Variants in RFTN2 observed in about 807,000 individuals in gnomAD.
RFTN2 encodes the protein raftlin family member 2, also known as raftlin-2.
Under a neutral mutation model 52.7 loss-of-function variants are expected in RFTN2, and 34 were observed. The ratio of observed to expected loss-of-function variants is 0.64; its 90% CI spans 0.49 to 0.86. The LOEUF (loss-of-function observed/expected upper bound fraction) is 0.86. Among genes scored for constraint, RFTN2 ranks in the 40% least tolerant of loss-of-function variants. The pLI, the probability that RFTN2 is intolerant of heterozygous loss-of-function variation, is 0.00. For synonymous variants in RFTN2, 203 were observed against 217.7 expected (o/e 0.93, Z 0.59); for missense variants, 536 against 600.1 (o/e 0.89, Z 1.12).
chr2:197,622,597 C>T (rs1020575050), intron 5 of RFTN2, among the ~76,000 whole-genome samples: 18 of 152,274 alleles, frequency 1.2e-4, no homozygotes, highest in African/African-American at 3.9e-4. Context: ...TGAGCCACTG[C>T]GCCTGGCCTA....
At chr2:197,589,285 G>A (rs1473369446) in intron 8 of RFTN2, among the ~76,000 whole-genome samples, 15 of 126,436 alleles carry the variant, frequency 1.2e-4, no homozygotes, top group South Asian at 5.8e-4. Context: ...TTTGCCTGCC[G>A]CCATCCACCA....
chr2:197,608,623 C>CT (rs57681105), intron 7 of RFTN2, among the ~76,000 whole-genome samples: 144 of 99,474 alleles, frequency 1.4e-3, no homozygotes, highest in South Asian at 2.4e-3. Context: ...TGGGACCAGA[C>CT]TTTTTTTTTT....
At chr2:197,650,655 C>T (rs1001980157) in intron 1 of RFTN2, among the ~76,000 whole-genome samples, 3 of 152,120 alleles carry the variant, frequency 2.0e-5, no homozygotes, top group Non-Finnish European at 4.4e-5. Flanking sequence ...AATAATATTC[C>T]ATTGAATATA....
Position 197,582,653 on chromosome 2 carries a change from T to A in RFTN2, c.1234-10373A>T, listed in dbSNP as rs188436984. Among the ~76,000 whole-genome samples the A allele has an allele frequency of 9.2e-5, 14 of 152,290 alleles. No homozygotes were observed. In the East Asian group the frequency reaches 2.7e-3, roughly 29 times the overall value. ...ACAATGCATCAATATTTACACTGAC[T>A]CTAAATATGCCTTGCATATCCACAC... is the stretch of plus-strand genomic sequence containing the variant. On this transcript the variant is annotated intron_variant, in intron 8 of 8. Transcript: ENST00000295049.
intron 8 of RFTN2, among the ~76,000 whole-genome samples, chr2:197,591,355 C>G (rs2087709816): frequency 1.3e-5 from 2 of 152,232 alleles, no homozygotes; most frequent in South Asian, 4.1e-4. Context: ...AAACCCTGAG[C>G]TAGACACAGG....
chr2:197,664,384 G>C (rs1413846716), intron 1 of RFTN2, among the ~76,000 whole-genome samples: 1 of 151,950 alleles, frequency 6.6e-6, no homozygotes, highest in Non-Finnish European at 1.5e-5. Context: ...GCTCAGGTGG[G>C]AGGATTGTTT....
intron 8 of RFTN2, among the ~76,000 whole-genome samples, chr2:197,589,838 A>G (rs559153997): frequency 2.0e-5 from 3 of 152,162 alleles, no homozygotes; most frequent in Non-Finnish European, 4.4e-5. Context: ...CATTCACAGA[A>G]CAAAAGTTTT....
At chr2:197,618,260 A>AT (rs2088182854) in intron 5 of RFTN2, among the ~76,000 whole-genome samples, 1 of 151,800 alleles carries the variant, frequency 6.6e-6, no homozygotes, top group South Asian at 2.1e-4. Flanking sequence ...TGGTTTTCGT[A>AT]TTTTTTTGGT....
At chr2:197,589,695 A>G (rs548861230) in intron 8 of RFTN2, among the ~76,000 whole-genome samples, 1 of 152,084 alleles carries the variant, frequency 6.6e-6, no homozygotes, top group East Asian at 1.9e-4. Flanking sequence ...ATTATTTTTT[A>G]ACTGGGTTCT....
At chr2:197,634,290 G>C (rs2088522162) in intron 3 of RFTN2, among the ~76,000 whole-genome samples, 1 of 152,148 alleles carries the variant, frequency 6.6e-6, no homozygotes. Flanking sequence ...TAATTCTGTA[G>C]CATGATTTTT....
chr2:197,617,882 T>C lies in RFTN2; in HGVS notation c.968A>G (p.Tyr323Cys), dbSNP rs2088172573. ...LPKSLEGFFI[Y>C]EEEGSGVPGS... is the part of the protein sequence containing the mutation. ...TGGAACTCCAGAACCTTCTTCTTCA[T>C]AGATAAAAAATCCTTCCAAAGATTT... The change falls in exon 6 of 9, where the codon TAT (tyrosine) becomes TGT (cysteine). Residue 323 changes from tyrosine (Y) to cysteine (C), a missense_variant. Coordinates refer to ENST00000295049, the MANE Select transcript of RFTN2 (RefSeq NM_144629.3). 4 of 1,609,748 alleles carry C rather than the reference T, an allele frequency of 2.5e-6. No individual in the cohort carries two copies. The highest frequency in any genetic ancestry group is 3.4e-6 in the Non-Finnish European group (4 of 1,177,180).
intron 1 of RFTN2, among the ~76,000 whole-genome samples, chr2:197,648,360 T>G (rs1166432669): frequency 6.6e-6 from 1 of 152,258 alleles, no homozygotes; most frequent in Admixed American, 6.5e-5. Flanking sequence ...ATTTACAATA[T>G]ATCTTCTTCA....
rs575717899 is a variant in RFTN2, at chr2:197,571,065, A to G, written c.*943T>C. Reference sequence around the variant, plus strand: ...GATGAAACAAAATATGTTATCATACATATCGCGTGTGCTATGAGCATCTTT... The same window carrying G: ...GATGAAACAAAATATGTTATCATACGTATCGCGTGTGCTATGAGCATCTTT... On this transcript the variant is annotated 3_prime_UTR_variant, in exon 9 of 9. Coordinates refer to ENST00000295049, the MANE Select transcript of RFTN2 (RefSeq NM_144629.3). 1 of 152,468 alleles carries G rather than the reference A, an allele frequency of 6.6e-6. No individual in the cohort carries two copies. The highest frequency in any genetic ancestry group is 2.1e-4 in the South Asian group (1 of 4,826). 9.4% of individuals were successfully genotyped at this position (152,468 alleles called of 1,614,324 possible). A position where few individuals can be genotyped will look rare whatever the true frequency, so the allele number is the denominator to read the frequency against.
chr2:197,640,782 T>C (rs1478114118), intron 3 of RFTN2, among the ~76,000 whole-genome samples: 1 of 152,190 alleles, frequency 6.6e-6, no homozygotes, highest in Non-Finnish European at 1.5e-5. Context: ...ATTTTTACAC[T>C]CAGCACTTTT....
intron 5 of RFTN2, among the ~76,000 whole-genome samples, chr2:197,623,935 A>T (rs868583511): frequency 2.0e-5 from 3 of 152,230 alleles, no homozygotes; most frequent in Middle Eastern, 3.4e-3. Flanking sequence ...AAGTGCTGGG[A>T]TTACAGGTCT....
At chr2:197,652,056 C>G (rs1401124958) in intron 1 of RFTN2, among the ~76,000 whole-genome samples, 1 of 152,084 alleles carries the variant, frequency 6.6e-6, no homozygotes, top group African/African-American at 2.4e-5. Flanking sequence ...AAAATTGAAC[C>G]CAATAATAGG....
intron 5 of RFTN2, among the ~76,000 whole-genome samples, chr2:197,629,065 T>C (rs1453161723): frequency 6.6e-6 from 1 of 152,194 alleles, no homozygotes; most frequent in Admixed American, 6.5e-5. Context: ...GAACTAGAAA[T>C]ATCATTTGAC....
In RFTN2 at chr2:197,614,335, C is replaced by T. The variant is rs567509447; in HGVS notation, c.1154+1541G>A. Among the ~76,000 whole-genome samples, 68 of 152,220 alleles carry T rather than the reference C, an allele frequency of 4.5e-4. No individual in the cohort carries two copies. The South Asian group carries it at 0.014, about 31-fold the overall frequency. On this transcript the variant is annotated intron_variant, in intron 7 of 8. Transcript: ENST00000295049. Reference sequence around the variant, plus strand: ...CATCTGAATGCTGAGAAGAGTTTGGCTGGAGATGGTTGGAGAGGAGATCGG... The same window carrying T: ...CATCTGAATGCTGAGAAGAGTTTGGTTGGAGATGGTTGGAGAGGAGATCGG...
chr2:197,625,536 C>G (rs2088339981), intron 5 of RFTN2, among the ~76,000 whole-genome samples: 1 of 152,062 alleles, frequency 6.6e-6, no homozygotes, highest in Non-Finnish European at 1.5e-5. Flanking sequence ...CTTAGCCTAT[C>G]CACTTCTTTC....
Sources: allele counts gnomAD v4.1 joint callset (sites outside exome capture counted in the v4.1 genomes callset), GRCh38; gene constraint gnomAD v4.1.1; transcripts MANE v1.5; gene names NCBI Gene and HGNC (gene_info 2026-07-23, HGNC 2026-07-21).